Variants in LDLRAD4 observed in about 807,000 individuals in gnomAD.
LDLRAD4 encodes low-density lipoprotein receptor class A domain-containing protein 4.
LDLRAD4 carries 5 observed loss-of-function variants against 17.0 expected under a neutral mutation model. That is an observed-to-expected ratio of 0.29 (90% CI 0.15 to 0.62). The LOEUF (loss-of-function observed/expected upper bound fraction) is 0.62, where lower values mean the gene tolerates loss of function less well. Among genes scored for constraint, LDLRAD4 ranks in the 20% least tolerant of loss-of-function variants. LDLRAD4 has a pLI of 0.84. For missense variants in LDLRAD4, 340 were observed against 424.7 expected (o/e 0.80, Z 1.75); for synonymous variants, 168 against 171.8 (o/e 0.98, Z 0.17).
intron 1 of LDLRAD4, among the ~76,000 whole-genome samples, chr18:13,271,519 G>A (rs28367450): frequency 0.034 from 5,192 of 152,240 alleles, 292 homozygotes; most frequent in African/African-American, 0.12. Flanking sequence ...CAAAGAGTCC[G>A]GGTCGAAGGC....
chr18:13,495,283 C>T (rs911757639), intron 3 of LDLRAD4, among the ~76,000 whole-genome samples: 1 of 152,120 alleles, frequency 6.6e-6, no homozygotes, highest in Non-Finnish European at 1.5e-5. Flanking sequence ...GCCAGCGAGG[C>T]GAATACGGTG....
At chr18:13,356,282 G>A (rs1244108872) in intron 1 of LDLRAD4, among the ~76,000 whole-genome samples, 1 of 152,256 alleles carries the variant, frequency 6.6e-6, no homozygotes, top group Non-Finnish European at 1.5e-5. Context: ...CCTTGGAAGG[G>A]TGGCTGTGAG....
Position 13,449,789 on chromosome 18 carries a change from A to G in LDLRAD4, c.181+11405A>G, listed in dbSNP as rs116450059. 2.3e-3 allele frequency among the ~76,000 whole-genome samples: 343 copies of G among 152,322 alleles called. 1 individual carries two copies. The highest frequency in any genetic ancestry group is 7.9e-3 in the African/African-American group (328 of 41,580). The stretch of plus-strand genomic sequence containing the variant: ...CCTTTTACCCTTAGATCTTGGGGGA[A>G]GGTCAGCTATGGTTCCAGGTAGGGT... On this transcript the variant is annotated intron_variant, in intron 3 of 5. Coordinates refer to ENST00000359446, the Ensembl canonical transcript of LDLRAD4.
At chr18:13,266,842 T>G (rs2044248259) in intron 1 of LDLRAD4, among the ~76,000 whole-genome samples, 1 of 152,246 alleles carries the variant, frequency 6.6e-6, no homozygotes, top group Non-Finnish European at 1.5e-5. Flanking sequence ...AGTCACTGAC[T>G]AGGAAGAGAG....
At chr18:13,624,695 C>T (rs2040965120) in intron 4 of LDLRAD4, among the ~76,000 whole-genome samples, 1 of 152,228 alleles carries the variant, frequency 6.6e-6, no homozygotes, top group Admixed American at 6.5e-5. Flanking sequence ...TCCCCGCCTT[C>T]CCCATCCCTA....
intron 1 of LDLRAD4, among the ~76,000 whole-genome samples, chr18:13,269,813 G>A (rs549046245): frequency 1.1e-4 from 17 of 152,232 alleles, no homozygotes; most frequent in Admixed American, 3.9e-4. Context: ...AGCCTTCTTC[G>A]ACCCCTTCCT....
chr18:13,625,515 A>G (rs8090133), intron 4 of LDLRAD4, among the ~76,000 whole-genome samples: 116,366 of 152,084 alleles, frequency 0.77, 45,504 homozygotes, highest in East Asian at 0.94. Flanking sequence ...AGACAGCATC[A>G]CTGTGGCCCT....
intron 1 of LDLRAD4, among the ~76,000 whole-genome samples, chr18:13,328,769 G>T (rs1045385230): frequency 6.6e-5 from 10 of 152,114 alleles, no homozygotes; most frequent in Admixed American, 2.0e-4. Flanking sequence ...GATGTTTATT[G>T]AAAAGTTTCC....
upstream of LDLRAD4, among the ~76,000 whole-genome samples, chr18:13,276,034 G>T (rs2044845398): frequency 6.6e-6 from 1 of 151,964 alleles, no homozygotes; most frequent in Non-Finnish European, 1.5e-5. Flanking sequence ...TTTGAGATAG[G>T]GTCTTATTCT....
intron 4 of LDLRAD4, among the ~76,000 whole-genome samples, chr18:13,639,889 A>G (rs1040654598): frequency 6.6e-6 from 1 of 152,242 alleles, no homozygotes; most frequent in Non-Finnish European, 1.5e-5. Flanking sequence ...GAAAGTGCTT[A>G]TGTTATACTC....
intron 3 of LDLRAD4, among the ~76,000 whole-genome samples, chr18:13,540,554 G>A (rs1334517533): frequency 1.3e-5 from 2 of 152,160 alleles, no homozygotes; most frequent in African/African-American, 4.8e-5. Flanking sequence ...TATGCTGGGG[G>A]TTGTTAAATA....
intron 3 of LDLRAD4, among the ~76,000 whole-genome samples, chr18:13,473,181 T>C (rs2092825336): frequency 6.6e-6 from 1 of 152,090 alleles, no homozygotes; most frequent in African/African-American, 2.4e-5. Flanking sequence ...TCAGGTGAGT[T>C]ATGTTCATTT....
chr18:13,303,879 A>G (rs1446161600), intron 1 of LDLRAD4, among the ~76,000 whole-genome samples: 1 of 152,220 alleles, frequency 6.6e-6, no homozygotes, highest in Non-Finnish European at 1.5e-5. Context: ...TAGCTGCTCC[A>G]TAAGATGTGA....
At chr18:13,275,145 T>C (rs774025225), upstream of LDLRAD4, among the ~76,000 whole-genome samples, 7 of 152,228 alleles carry the variant, frequency 4.6e-5, no homozygotes, top group Non-Finnish European at 7.3e-5. Context: ...ATACAGGTTT[T>C]GTCACTTTAG....
At chr18:13,261,189 A>T (rs2043796819) in intron 1 of LDLRAD4, among the ~76,000 whole-genome samples, 1 of 152,258 alleles carries the variant, frequency 6.6e-6, no homozygotes, top group Non-Finnish European at 1.5e-5. Context: ...GGGGCACATT[A>T]GTCCTGGCTC....
chr18:13,507,750 C>G (rs1053321910), intron 3 of LDLRAD4, among the ~76,000 whole-genome samples: 3 of 152,178 alleles, frequency 2.0e-5, no homozygotes, highest in African/African-American at 7.2e-5. Context: ...ACTAGCTGTT[C>G]CGTCACTTCT....
chr18:13,300,472 C>CT lies in LDLRAD4; in HGVS notation c.-383+22285dup, dbSNP rs1260928062. Among the ~76,000 whole-genome samples, 1 of 152,220 alleles carries CT rather than the reference C, an allele frequency of 6.6e-6. No homozygotes were observed. Among genetic ancestry groups the CT allele is most frequent in the Non-Finnish European group, 1.5e-5 (1 of 68,046 alleles). On this transcript the variant is annotated intron_variant, in intron 1 of 5. Coordinates refer to ENST00000359446, the Ensembl canonical transcript of LDLRAD4. The surrounding 1 kb of genome is among the most constrained non-coding windows in gnomAD (Gnocchi z 4.2). ...CCATGACTGCTGCCCCAAGGGAGGC[C>CT]TGCAATAAGGCACCCGGTGCCAGCA...
At chr18:13,332,194 T>A (rs2081897282) in intron 1 of LDLRAD4, among the ~76,000 whole-genome samples, 1 of 152,278 alleles carries the variant, frequency 6.6e-6, no homozygotes, top group South Asian at 2.1e-4. Context: ...TTAAAATTTA[T>A]TTGTAGCAAG....
chr18:13,401,310 C>T (rs946738136), intron 2 of LDLRAD4, among the ~76,000 whole-genome samples: 8 of 149,806 alleles, frequency 5.3e-5, no homozygotes, highest in Admixed American at 5.3e-4. Context: ...TCAGTTTTGG[C>T]TAGGAATGTT....
Sources: allele counts gnomAD v4.1 joint callset (sites outside exome capture counted in the v4.1 genomes callset), GRCh38; gene constraint gnomAD v4.1.1; non-coding constraint Gnocchi (gnomAD v3.1); transcripts MANE v1.5; gene names NCBI Gene and HGNC (gene_info 2026-07-23, HGNC 2026-07-21).